Variants in ACBD6 observed in about 807,000 individuals in gnomAD.
The protein encoded by ACBD6 is acyl-CoA binding domain containing 6.
In ACBD6, 28 loss-of-function variants were observed where a neutral mutation model predicts 37.2. The ratio of observed to expected loss-of-function variants is 0.75; its 90% CI spans 0.56 to 1.03. The LOEUF is 1.03. ACBD6 is among the 50% of genes least tolerant of loss of function. The pLI, the probability that ACBD6 is intolerant of heterozygous loss-of-function variation, is 0.00. For synonymous variants in ACBD6, 113 were observed against 126.8 expected (o/e 0.89, Z 0.73); for missense variants, 340 against 337.4 (o/e 1.01, Z -0.06).
intron 3 of ACBD6, among the ~76,000 whole-genome samples, chr1:180,445,385 A>G (rs992780917): frequency 6.6e-6 from 1 of 152,242 alleles, no homozygotes; most frequent in African/African-American, 2.4e-5. Context: ...ATACTTCGTT[A>G]TAAGAAAAAG....
exon 14 of ACBD6, chr1:180,271,289 T>G: frequency 7.1e-7 from 1 of 1,417,920 alleles, no homozygotes; most frequent in Non-Finnish European, 1.0e-6. Flanking sequence ...CAGGCAGGCT[T>G]AGGTGCAGAA....
intron 5 of ACBD6, among the ~76,000 whole-genome samples, chr1:180,401,885 C>T (rs1049297258): frequency 6.6e-6 from 1 of 151,322 alleles, no homozygotes; most frequent in Admixed American, 6.6e-5. Context: ...ATTTTGAGAT[C>T]AAATACAAAG....
intron 5 of ACBD6, among the ~76,000 whole-genome samples, chr1:180,401,779 T>C (rs1375128043): frequency 7.2e-6 from 1 of 139,420 alleles, no homozygotes; most frequent in Non-Finnish European, 1.5e-5. Context: ...CAGAGCAAAA[T>C]TCTGTCCAGA....
chr1:180,440,215 T>A (rs1649225386), intron 3 of ACBD6, among the ~76,000 whole-genome samples: 1 of 152,148 alleles, frequency 6.6e-6, no homozygotes, highest in African/African-American at 2.4e-5. Flanking sequence ...TTCAAGTGAT[T>A]CTCCTGCTTC....
chr1:180,492,430 T>C, intron 2 of ACBD6, 65 bp from the exon 3 acceptor site: 1 of 1,284,988 alleles, frequency 7.8e-7, no homozygotes, highest in Non-Finnish European at 1.1e-6. Flanking sequence ...ATTTTTCTTA[T>C]TATTAAAAAA....
At chr1:180,358,876 G>A (rs192386960) in intron 6 of ACBD6, among the ~76,000 whole-genome samples, 6 of 152,290 alleles carry the variant, frequency 3.9e-5, no homozygotes, top group Admixed American at 2.0e-4. Context: ...TACCACTTCT[G>A]CACTGACCTC....
rs59623342 is a variant in ACBD6, at chr1:180,274,709, C to T, written c.*878G>A. 1.5e-3 allele frequency: 1,661 copies of T among 1,121,848 alleles called. 17 individuals carry two copies. In the African/African-American group the frequency reaches 0.022, roughly 15 times the overall value. 69.5% of individuals were successfully genotyped at this position (1,121,848 alleles called of 1,614,324 possible). A position where few individuals can be genotyped will look rare whatever the true frequency, so the allele number is the denominator to read the frequency against. On this transcript the variant is annotated 3_prime_UTR_variant, in exon 10 of 14. Transcript: ENST00000642319. ...TCCATTATTTTCAATGGAAGTCCTC[C>T]GCTGATTCCTAGAAGGCTGTGAGAC...
rs978005345 is a variant in ACBD6 at position 180,378,787 on chromosome 1, C to G, written c.663+18729G>C. Reference sequence around the variant, plus strand: ...TGCCACCATAGATGGCACCCCCCAGCATGTGCTACCTGCAGATTTGGGCAC... The same window carrying G: ...TGCCACCATAGATGGCACCCCCCAGGATGTGCTACCTGCAGATTTGGGCAC... On this transcript the variant is annotated intron_variant, in intron 6 of 7. Coordinates refer to ENST00000367595, the MANE Select transcript of ACBD6 (RefSeq NM_032360.4). Among the ~76,000 whole-genome samples, 3 of 152,228 alleles carry G rather than the reference C, an allele frequency of 2.0e-5. No individual in the cohort carries two copies. In the South Asian group the frequency reaches 6.2e-4, roughly 32 times the overall value.
chr1:180,493,205 A>G (rs942330534), intron 2 of ACBD6, among the ~76,000 whole-genome samples: 4 of 133,030 alleles, frequency 3.0e-5, no homozygotes, highest in Non-Finnish European at 6.3e-5. Context: ...CTGAGATGGC[A>G]CCACCACACT....
intron 7 of ACBD6, among the ~76,000 whole-genome samples, chr1:180,304,239 G>A (rs1384097491): frequency 6.6e-5 from 10 of 150,586 alleles, no homozygotes; most frequent in Non-Finnish European, 1.2e-4. Flanking sequence ...TCAACATAGT[G>A]TTGGAAGTTC....
intron 9 of ACBD6, chr1:180,277,778 G>A (rs1041971484): frequency 6.6e-6 from 1 of 151,554 alleles, no homozygotes. Flanking sequence ...AACTATCATT[G>A]ATAACACTGT....
At chr1:180,475,179 T>C (rs1650729529) in intron 3 of ACBD6, among the ~76,000 whole-genome samples, 1 of 152,246 alleles carries the variant, frequency 6.6e-6, no homozygotes, top group Admixed American at 6.5e-5. Flanking sequence ...ATATAATAAC[T>C]GTGCATATTT....
At chr1:180,487,538 T>C (rs1022715660) in intron 3 of ACBD6, among the ~76,000 whole-genome samples, 1 of 152,200 alleles carries the variant, frequency 6.6e-6, no homozygotes, top group Non-Finnish European at 1.5e-5. Flanking sequence ...AGATCGACTG[T>C]CGACTGCTGC....
At chr1:180,388,536 A>AG in intron 6 of ACBD6, among the ~76,000 whole-genome samples, 1 of 152,342 alleles carries the variant, frequency 6.6e-6, no homozygotes, top group Admixed American at 6.5e-5. Context: ...ATCCACTAAC[A>AG]AACTGTCAGA....
intron 6 of ACBD6, among the ~76,000 whole-genome samples, chr1:180,354,617 A>G (rs1370913854): frequency 6.6e-6 from 1 of 152,230 alleles, no homozygotes; most frequent in Non-Finnish European, 1.5e-5. Flanking sequence ...CCGATGAAAG[A>G]AAAGTAACAA....
At chr1:180,368,428 GTCTTT>G (rs924581903) in intron 6 of ACBD6, among the ~76,000 whole-genome samples, 6 of 152,056 alleles carry the variant, frequency 3.9e-5, no homozygotes, top group African/African-American at 1.4e-4. Context: ...TGCTTTTGAT[GTCTTT>G]ATCATGAAAT....
chr1:180,306,262 C>A (rs942354274), intron 7 of ACBD6, among the ~76,000 whole-genome samples: 21 of 150,498 alleles, frequency 1.4e-4, no homozygotes, highest in Non-Finnish European at 2.2e-4. Flanking sequence ...AAAAAAAAAA[C>A]AAACAAAACC....
At chr1:180,308,248 T>C (rs1265743871) in intron 7 of ACBD6, among the ~76,000 whole-genome samples, 3 of 152,232 alleles carry the variant, frequency 2.0e-5, no homozygotes, top group African/African-American at 7.2e-5. Context: ...TACAGACTTA[T>C]TCTGATAATT....
At chr1:180,280,109 G>A (rs1459017751) in intron 9 of ACBD6, among the ~76,000 whole-genome samples, 2 of 152,186 alleles carry the variant, frequency 1.3e-5, no homozygotes, top group Non-Finnish European at 2.9e-5. Context: ...GTATTTGGAC[G>A]ACACTGATAT....
Sources: gnomAD v4.1 joint callset for allele counts (sites outside exome capture counted in the v4.1 genomes callset) on GRCh38, gnomAD v4.1.1 for gene constraint, MANE v1.5 for transcripts, NCBI Gene and HGNC (gene_info 2026-07-23, HGNC 2026-07-21) for gene names.